The following SPTAN1 variants were observed in gnomAD, a reference collection of about 807,000 sequenced individuals.
SPTAN1 encodes the protein spectrin alpha, non-erythrocytic 1, also known as spectrin alpha chain, non-erythrocytic 1.
SPTAN1 carries 61 observed loss-of-function variants against 331.3 expected under a neutral mutation model. The observed-to-expected ratio is 0.18, with a 90% CI of 0.15 to 0.23. The LOEUF is 0.23. Among genes scored for constraint, SPTAN1 ranks in the 10% least tolerant of loss-of-function variants. SPTAN1 has a pLI of 1.00. For missense variants in SPTAN1, 2,043 were observed against 3,147.9 expected (o/e 0.65, Z 8.40); for synonymous variants, 1,153 against 1,173.9 (o/e 0.98, Z 0.36).
At chr9:128,575,418 T>C in intron 5 of SPTAN1, 73 bp downstream of exon 5, 1 of 1,554,460 alleles carries the variant, frequency 6.4e-7, no homozygotes, top group Non-Finnish European at 8.8e-7. Context: ...GGATAAAATT[T>C]TGATGATTGG....
intron 52 of SPTAN1, chr9:128,631,644 A>G (rs936708518): frequency 1.5e-4 from 28 of 184,786 alleles, no homozygotes; most frequent in Non-Finnish European, 1.5e-4. Flanking sequence ...TGGTCAATGC[A>G]GTGAAACATC....
intron 40 of SPTAN1, among the ~76,000 whole-genome samples, chr9:128,615,195 C>T (rs1857012605): frequency 6.6e-6 from 1 of 151,986 alleles, no homozygotes; most frequent in South Asian, 2.1e-4. Flanking sequence ...TGTGAGATAC[C>T]AAGTCTGAAT....
intron 28 of SPTAN1, 24 bp downstream of exon 28, chr9:128,603,614 C>G (rs1855448725): frequency 3.1e-6 from 5 of 1,613,964 alleles, no homozygotes; most frequent in East Asian, 2.2e-5. Context: ...ACCAGCTCCT[C>G]TGATCTCCCC....
chr9:128,620,404 G>A (rs1857691520), intron 44 of SPTAN1, among the ~76,000 whole-genome samples: 1 of 152,152 alleles, frequency 6.6e-6, no homozygotes, highest in Non-Finnish European at 1.5e-5. Context: ...ATGGTCTGCA[G>A]TGCTTAAATT....
chr9:128,633,106 T>G, intron 56 of SPTAN1, 103 bp from the exon 57 acceptor site: 1 of 1,600,070 alleles, frequency 6.2e-7, no homozygotes, highest in Non-Finnish European at 8.5e-7. Flanking sequence ...CCGGATCTGC[T>G]TGTAGAAGCA....
intron 37 of SPTAN1, among the ~76,000 whole-genome samples, chr9:128,610,641 A>G (rs1299953409): frequency 6.6e-6 from 1 of 151,928 alleles, no homozygotes; most frequent in Non-Finnish European, 1.5e-5. Context: ...GAATTGTGGC[A>G]TAGCTGCTAT....
chr9:128,597,517 G>A (rs1032308697), intron 24 of SPTAN1, among the ~76,000 whole-genome samples: 9 of 151,986 alleles, frequency 5.9e-5, no homozygotes, highest in Non-Finnish European at 1.0e-4. Context: ...GTGAGACCCC[G>A]TCTCCAAAAA....
intron 18 of SPTAN1, among the ~76,000 whole-genome samples, 167 bp downstream of exon 18, chr9:128,585,010 A>C (rs1365040142): frequency 1.4e-5 from 2 of 146,224 alleles, no homozygotes; most frequent in African/African-American, 5.3e-5. Context: ...TCTGAGCCTG[A>C]ATTTCTTTTT....
At chr9:128,628,367 C>T (rs976313937) in intron 51 of SPTAN1, 3 of 371,680 alleles carry the variant, frequency 8.1e-6, no homozygotes, top group Non-Finnish European at 1.6e-5. Flanking sequence ...GGGGCTCAGG[C>T]AGGGTACAGT....
Position 128,563,003 on chromosome 9 carries a change from T to TATATATATATAC in SPTAN1, c.-3-3724_-3-3723insCATATATATATA, listed in dbSNP as rs1849591543. Among the ~76,000 whole-genome samples, 9 of 111,756 alleles carry TATATATATATAC rather than the reference T, an allele frequency of 8.1e-5. No homozygotes were observed. In the East Asian group the frequency reaches 2.7e-3, roughly 34 times the overall value. The allele number at this position is 111,756 out of a possible 152,430, so 73.3% of individuals were successfully genotyped here. Reference sequence around the variant, plus strand: ...ATATACATGTATGTGTATATATATATATATATATATATATATATATATATG... The same window carrying TATATATATATAC: ...ATATACATGTATGTGTATATATATATATATATATATACATATATATATATATATATATATATG... On this transcript the variant is annotated intron_variant, in intron 1 of 56. Coordinates refer to ENST00000372739, the MANE Select transcript of SPTAN1 (RefSeq NM_001130438.3).
At chr9:128,617,610 T>G (rs1564296816) in intron 41 of SPTAN1, 30 bp from the exon 42 acceptor site, 1 of 1,614,058 alleles carries the variant, frequency 6.2e-7, no homozygotes, top group Non-Finnish European at 8.5e-7. Context: ...GTGCAGAGAC[T>G]GACTGTGCTG....
Position 128,591,527 on chromosome 9 carries a change from G to C in SPTAN1, c.3057G>C (p.Ala1019=). ...VNDRQGFVPA[A]YVKKLDPAQS... ...ATCGTCAGGGTTTTGTGCCGGCTGC[G>C]TACGTGAAGAAATTGGACCCCGCCC... The change falls in exon 22 of 57, where the codon GCG becomes GCC. Residue 1019 remains alanine, a synonymous_variant. Coordinates refer to ENST00000372739, the MANE Select transcript of SPTAN1 (RefSeq NM_001130438.3). 3 of 1,614,172 alleles carry C rather than the reference G, an allele frequency of 1.9e-6. No individual in the cohort carries two copies. The highest frequency in any genetic ancestry group is 2.2e-5 in the East Asian group (1 of 44,882).
At chr9:128,604,861 G>A (rs1475120225) in intron 29 of SPTAN1, among the ~76,000 whole-genome samples, 173 bp from the exon 30 acceptor site, 1 of 152,070 alleles carries the variant, frequency 6.6e-6, no homozygotes, top group Non-Finnish European at 1.5e-5. Flanking sequence ...AACCCGGTGG[G>A]GGCGGAGGTT....
Position 128,630,232 on chromosome 9 carries a change from C to T in SPTAN1, c.6708-89C>T, listed in dbSNP as rs764236974. On this transcript the variant is annotated intron_variant, in intron 51 of 56. Transcript: ENST00000372739. The stretch of plus-strand genomic sequence containing the variant: ...TTCCTTAAAAGGAATGTGAGGTTGC[C>T]AGGCATTGCTCTCTCTGAGAGAAGG... 5.0e-6 allele frequency: 7 copies of T among 1,411,246 alleles called. No individual in the cohort carries two copies. In the Admixed American group the frequency reaches 8.4e-5, roughly 17 times the overall value. 87.4% of individuals were successfully genotyped at this position (1,411,246 alleles called of 1,614,324 possible). A position where few individuals can be genotyped will look rare whatever the true frequency, so the allele number is the denominator to read the frequency against.
intron 27 of SPTAN1, among the ~76,000 whole-genome samples, chr9:128,602,425 C>G (rs959721814): frequency 6.6e-6 from 1 of 151,856 alleles, no homozygotes; most frequent in African/African-American, 2.4e-5. Flanking sequence ...CCAAGTTGGC[C>G]AGGCTGGTAT....
At chr9:128,598,339 T>C in intron 24 of SPTAN1, 61 bp from the exon 25 acceptor site, 1 of 1,255,946 alleles carries the variant, frequency 8.0e-7, no homozygotes, top group African/African-American at 1.5e-5. Context: ...TTTGTGACTA[T>C]GTCTCCTTTG....
intron 41 of SPTAN1, 129 bp downstream of exon 41, chr9:128,615,969 C>CGT: frequency 1.0e-6 from 1 of 954,046 alleles, no homozygotes; most frequent in Non-Finnish European, 1.6e-6. Context: ...GGCACACAGT[C>CGT]GTGGGATGCC....
intron 37 of SPTAN1, among the ~76,000 whole-genome samples, chr9:128,610,826 TTGATTAATGAC>T (rs1367766239): frequency 6.6e-6 from 1 of 152,178 alleles, no homozygotes; most frequent in African/African-American, 2.4e-5. Flanking sequence ...TCCCAGTGTT[TTGATTAATGAC>T]AGCTACCTAA....
rs1194481175 is a variant in SPTAN1, at chr9:128,588,937, C to G, written c.3000C>G (p.Thr1000=). The part of the protein sequence containing the change: ...KGDILTLLNS[T]NKDWWKVEVN... ...ATATCCTTACCTTACTCAACAGCACCAACAAGGCAAGGCACAGAGAGTGGC... is the reference window on the plus strand; with the variant it reads ...ATATCCTTACCTTACTCAACAGCACGAACAAGGCAAGGCACAGAGAGTGGC... The change falls in exon 21 of 57, where the codon ACC becomes ACG. Residue 1000 remains threonine, a synonymous_variant. Transcript: ENST00000372739. 1.1e-5 allele frequency: 17 copies of G among 1,613,840 alleles called. No individual in the cohort carries two copies. The highest frequency in any genetic ancestry group is 1.4e-5 in the Non-Finnish European group (17 of 1,179,972).
Sources: allele counts gnomAD v4.1 joint callset (sites outside exome capture counted in the v4.1 genomes callset), GRCh38; gene constraint gnomAD v4.1.1; transcripts MANE v1.5; gene names NCBI Gene and HGNC (gene_info 2026-07-23, HGNC 2026-07-21).